Variants in DERL1 observed in about 807,000 individuals in gnomAD.
The protein encoded by DERL1 is derlin-1.
In DERL1, 24 loss-of-function variants were observed where a neutral mutation model predicts 41.6. The ratio of observed to expected loss-of-function variants is 0.58; its 90% CI spans 0.42 to 0.81. DERL1 has a LOEUF of 0.81. Among genes scored for constraint, DERL1 ranks in the 30% least tolerant of loss-of-function variants. DERL1 has a pLI of 0.00. For missense variants in DERL1, 260 were observed against 314.3 expected, an observed-to-expected ratio of 0.83 and a Z score of 1.31; for synonymous variants, 124 against 112.5, an observed-to-expected ratio of 1.10 and a Z score of -0.65.
At chr8:123,026,540 A>T (rs938368153) in intron 2 of DERL1, among the ~76,000 whole-genome samples, 1 of 152,222 alleles carries the variant, frequency 6.6e-6, no homozygotes, top group African/African-American at 2.4e-5. Flanking sequence ...CAGGTGGCAA[A>T]CATTTTGTCA....
rs200911646 is a variant in DERL1 at position 123,019,214 on chromosome 8, G to T, written c.598C>A (p.Leu200Ile). The T allele has an allele frequency of 6.2e-7, 1 of 1,612,928 alleles. No individual in the cohort carries two copies. The highest frequency in any genetic ancestry group is 1.3e-5 in the African/African-American group (1 of 74,972). The change falls in exon 7 of 8, where the codon CTA becomes ATA. Residue 200 changes from leucine (L) to isoleucine (I), a missense_variant. Coordinates refer to ENST00000259512, the MANE Select transcript of DERL1 (RefSeq NM_024295.6). ...YPMDLGGRNF[L>I]STPQFLYRWL... ...ACTTACAAAAACTGAGGTGTGGATA[G>T]AAAATTTCTTCCTCCCAAGTCCATT...
Position 123,042,286 on chromosome 8 carries a change from C to T in DERL1, c.-164G>A, listed in dbSNP as rs1423083314. 1.1e-6 allele frequency: 1 copy of T among 937,658 alleles called. No individual in the cohort carries two copies. Among genetic ancestry groups the T allele is most frequent in the Non-Finnish European group, 1.5e-6 (1 of 667,574 alleles). 58.1% of individuals were successfully genotyped at this position (937,658 alleles called of 1,614,324 possible). ...GGACGTGGCGCCACCGAATTCGGAC[C>T]AGCGAGGCAGCCTTCTGAGGCGAAA... On this transcript the variant is annotated 5_prime_UTR_variant, in exon 1 of 8. Transcript: ENST00000259512.
chr8:123,020,289 G>A (rs764434137), intron 6 of DERL1, among the ~76,000 whole-genome samples: 4 of 151,976 alleles, frequency 2.6e-5, no homozygotes, highest in African/African-American at 9.7e-5. Flanking sequence ...AGACCAGCCT[G>A]GGCAACACAG....
In DERL1 at chr8:123,015,330, A is replaced by T; in HGVS notation, c.*117T>A. The T allele has an allele frequency of 7.7e-7, 1 of 1,303,902 alleles. No homozygotes were observed. The highest frequency in any genetic ancestry group is 1.0e-6 in the Non-Finnish European group (1 of 977,928). The allele number at this position is 1,303,902 out of a possible 1,614,324, so 80.8% of individuals were successfully genotyped here. A position where few individuals can be genotyped will look rare whatever the true frequency, so the allele number is the denominator to read the frequency against. ...TTTAAGAAACTTTGTCTCGTACTGA[A>T]AGACTACATTCAGTGTGGGTCAGGT... On this transcript the variant is annotated 3_prime_UTR_variant, in exon 8 of 8. Transcript: ENST00000259512.
chr8:123,021,325 A>G (rs1342059008), intron 6 of DERL1, 122 bp downstream of exon 6: 1 of 853,358 alleles, frequency 1.2e-6, no homozygotes, highest in East Asian at 2.5e-5. Context: ...TTCCATAAAT[A>G]TAGGGTTCTA....
At position 123,042,042 on chromosome 8, in the gene DERL1, C is replaced by G. The variant is rs751992286; in HGVS notation, c.81G>C (p.Leu27Phe). 1.2e-6 allele frequency: 2 copies of G among 1,613,826 alleles called. No individual in the cohort carries two copies. Among genetic ancestry groups the G allele is most frequent in the African/African-American group, 1.3e-5 (1 of 74,936 alleles). The part of the protein sequence containing the change: ...YWFAATVAVP[L>F]VGKLGLISPA... ...GGCTGATGAGGCCGAGTTTGCCGAC[C>G]AAGGGCACGGCGACGGTGGCGGCGA... Residue 27 changes from leucine (L) to phenylalanine (F), a missense_variant, in exon 1 of 8, where the codon TTG becomes TTC. By Grantham distance (22) the Leu-to-Phe change is conservative. Transcript: ENST00000259512.
At chr8:123,038,228 A>C (rs1301089727) in intron 1 of DERL1, among the ~76,000 whole-genome samples, 2 of 152,234 alleles carry the variant, frequency 1.3e-5, no homozygotes, top group Non-Finnish European at 2.9e-5. Flanking sequence ...GTTGTGAAAG[A>C]TTCAGCTTCT....
At chr8:123,030,051 T>C (rs1248115148) in intron 2 of DERL1, among the ~76,000 whole-genome samples, 1 of 114,912 alleles carries the variant, frequency 8.7e-6, no homozygotes, top group Non-Finnish European at 2.0e-5. Context: ...CGGAGCAAGA[T>C]TGTCTCAAAA....
At chr8:123,021,406 C>T (rs1197998628) in intron 6 of DERL1, 41 bp downstream of exon 6, 1 of 1,570,574 alleles carries the variant, frequency 6.4e-7, no homozygotes, top group Non-Finnish European at 8.8e-7. Flanking sequence ...GGAAATTTTC[C>T]AAGGATTAGT....
At chr8:123,022,877 TCA>T in intron 4 of DERL1, 98 bp from the exon 5 acceptor site, 1 of 864,022 alleles carries the variant, frequency 1.2e-6, no homozygotes, top group Non-Finnish European at 1.9e-6. Context: ...ACAACAATCC[TCA>T]CCTGGGTAAA....
intron 2 of DERL1, among the ~76,000 whole-genome samples, chr8:123,028,897 T>C (rs532031001): frequency 1.3e-5 from 2 of 152,068 alleles, no homozygotes; most frequent in African/African-American, 4.8e-5. Flanking sequence ...TGAAACCCCA[T>C]CTCTACAAAA....
intron 1 of DERL1, among the ~76,000 whole-genome samples, chr8:123,040,759 T>C (rs1813040184): frequency 6.6e-6 from 1 of 152,162 alleles, no homozygotes; most frequent in South Asian, 2.1e-4. Flanking sequence ...TGACAGATTG[T>C]GGGGTGTGAG....
chr8:123,033,528 G>A (rs1563634553), intron 1 of DERL1, among the ~76,000 whole-genome samples: 1 of 152,198 alleles, frequency 6.6e-6, no homozygotes, highest in Non-Finnish European at 1.5e-5. Flanking sequence ...CAGATCACCT[G>A]AGGTCGGGAG....
chr8:123,013,826 A>T lies in DERL1; in HGVS notation c.*1621T>A, dbSNP rs903260564. The T allele has an allele frequency of 1.3e-5, 2 of 152,164 alleles. No individual in the cohort carries two copies. Among genetic ancestry groups the T allele is most frequent in the Non-Finnish European group, 2.9e-5 (2 of 68,040 alleles). 9.4% of individuals were successfully genotyped at this position (152,164 alleles called of 1,614,324 possible). ...GTAAACTTTATTGTGGCCACAGATG[A>T]ACAACAAAACATGACAGTTAAGGTT... is the stretch of plus-strand genomic sequence containing the variant. On this transcript the variant is annotated 3_prime_UTR_variant, in exon 8 of 8. Coordinates refer to ENST00000259512, the MANE Select transcript of DERL1 (RefSeq NM_024295.6).
chr8:123,015,560 C>T lies in DERL1; in HGVS notation c.643G>A (p.Gly215Arg). ...FLYRWLPSRR[G>R]GVSGFGVPPA... ...GGCACACCAAATCCTGATACTCCTC[C>T]TCTCCTACTGGGCAGCCAGCGGTAC... Residue 215 changes from glycine to arginine, a missense_variant, in exon 8 of 8, where the codon GGA becomes AGA. By Grantham distance (125) the Gly-to-Arg change is moderately radical (BLOSUM62 -2). Transcript: ENST00000259512. The T allele has an allele frequency of 6.2e-7, 1 of 1,611,528 alleles. No individual in the cohort carries two copies. Among genetic ancestry groups the T allele is most frequent in the South Asian group, 1.1e-5 (1 of 90,206 alleles).
In DERL1 at chr8:123,015,441, G is replaced by A. The variant is rs373192571; in HGVS notation, c.*6C>T. 1.5e-5 allele frequency: 24 copies of A among 1,610,402 alleles called. No individual in the cohort carries two copies. Among genetic ancestry groups the A allele is most frequent in the African/African-American group, 1.2e-4 (9 of 74,802 alleles). On this transcript the variant is annotated 3_prime_UTR_variant, in exon 8 of 8. Transcript: ENST00000259512. The stretch of plus-strand genomic sequence containing the variant: ...TTGAGAGGAGCGGCTGCCCGAGGCC[G>A]CCCCTTCACTGGTCTCCAAGTCGAA...
At chr8:123,039,032 T>G (rs1812990111) in intron 1 of DERL1, among the ~76,000 whole-genome samples, 1 of 152,206 alleles carries the variant, frequency 6.6e-6, no homozygotes, top group East Asian at 1.9e-4. Flanking sequence ...TCCACTCAGC[T>G]GCTCCTGTGA....
intron 2 of DERL1, among the ~76,000 whole-genome samples, chr8:123,028,416 C>T (rs755468764): frequency 2.6e-5 from 4 of 152,022 alleles, no homozygotes; most frequent in Non-Finnish European, 4.4e-5. Flanking sequence ...TCCATATACA[C>T]GGAAAGTAGA....
At chr8:123,037,515 A>G (rs1018766177) in intron 1 of DERL1, among the ~76,000 whole-genome samples, 12 of 152,224 alleles carry the variant, frequency 7.9e-5, no homozygotes, top group Non-Finnish European at 1.3e-4. Flanking sequence ...AGGGTACACA[A>G]CTAGCAGGGG....
Sources: allele counts gnomAD v4.1 joint callset (sites outside exome capture counted in the v4.1 genomes callset), GRCh38; gene constraint gnomAD v4.1.1; transcripts MANE v1.5; gene names NCBI Gene and HGNC (gene_info 2026-07-23, HGNC 2026-07-21).